Variants in SHANK2 observed in about 807,000 individuals in gnomAD.
The protein encoded by SHANK2 is SH3 and multiple ankyrin repeat domains 2.
SHANK2 carries 43 observed loss-of-function variants against 133.7 expected under a neutral mutation model. The observed-to-expected ratio is 0.32, with a 90% CI of 0.25 to 0.41. SHANK2 has a LOEUF of 0.41. Among genes scored for constraint, SHANK2 ranks in the 10% least tolerant of loss-of-function variants. The pLI, the probability that SHANK2 is intolerant of heterozygous loss-of-function variation, is 1.00. For missense variants in SHANK2, 1,994 were observed against 2,235.8 expected (o/e 0.89, Z 2.18); for synonymous variants, 1,017 against 952.8 (o/e 1.07, Z -1.24).
At chr11:70,748,499 A>C (rs1555036762) in intron 14 of SHANK2, among the ~76,000 whole-genome samples, 1 of 152,160 alleles carries the variant, frequency 6.6e-6, no homozygotes, top group African/African-American at 2.4e-5. Flanking sequence ...CACTCCCTAG[A>C]ATCAGGGAGG....
At chr11:71,118,492 G>A (rs1952023767) in intron 4 of SHANK2, among the ~76,000 whole-genome samples, 1 of 152,132 alleles carries the variant, frequency 6.6e-6, no homozygotes, top group Admixed American at 6.5e-5. Context: ...GGAACTTCCA[G>A]ACACTTATAA....
intron 17 of SHANK2, among the ~76,000 whole-genome samples, chr11:70,610,309 G>A (rs1554993820): frequency 2.0e-5 from 3 of 152,110 alleles, no homozygotes; most frequent in African/African-American, 4.8e-5. Flanking sequence ...CTCTTAATAC[G>A]AGGCGTGCAA....
intron 10 of SHANK2, among the ~76,000 whole-genome samples, chr11:70,932,097 GCTGAAA>G (rs1189059696): frequency 7.2e-5 from 11 of 152,140 alleles, no homozygotes; most frequent in African/African-American, 2.7e-4. Context: ...TCTTTTTCAA[GCTGAAA>G]CTGTGATGTT....
At chr11:70,553,376 A>G (rs1323894271) in intron 17 of SHANK2, among the ~76,000 whole-genome samples, 3 of 152,188 alleles carry the variant, frequency 2.0e-5, no homozygotes, top group African/African-American at 7.2e-5. Flanking sequence ...TACAGGCGTG[A>G]GCCACCGTGC....
chr11:70,710,166 G>A (rs1399557350), intron 14 of SHANK2, among the ~76,000 whole-genome samples: 1 of 152,170 alleles, frequency 6.6e-6, no homozygotes, highest in Admixed American at 6.5e-5. Context: ...CTCAGTGGCC[G>A]TGGGAAGACA....
intron 5 of SHANK2, among the ~76,000 whole-genome samples, chr11:71,111,644 A>G (rs1951893537): frequency 6.6e-6 from 1 of 152,194 alleles, no homozygotes; most frequent in Admixed American, 6.5e-5. Context: ...CTGACACAGC[A>G]GGTTCCTGGG....
chr11:70,875,598 C>A (rs183917408), intron 11 of SHANK2, among the ~76,000 whole-genome samples: 1 of 152,192 alleles, frequency 6.6e-6, no homozygotes, highest in Non-Finnish European at 1.5e-5. Context: ...TGGTGACTCA[C>A]GCCTGCAATC....
At chr11:71,107,411 AC>A (rs1247949849) in intron 6 of SHANK2, among the ~76,000 whole-genome samples, 1 of 152,136 alleles carries the variant, frequency 6.6e-6, no homozygotes, top group African/African-American at 2.4e-5. Context: ...ACCTGATGAC[AC>A]CAGGGGTTCC....
intron 11 of SHANK2, among the ~76,000 whole-genome samples, chr11:70,839,890 C>T (rs1948876598): frequency 6.6e-6 from 1 of 152,146 alleles, no homozygotes; most frequent in Non-Finnish European, 1.5e-5. Context: ...CTCCCAGGGC[C>T]GAGCTGGCAG....
chr11:71,129,613 C>T (rs529070908), intron 3 of SHANK2, among the ~76,000 whole-genome samples: 2 of 152,238 alleles, frequency 1.3e-5, no homozygotes, highest in African/African-American at 4.8e-5. Context: ...CGCTGCATTC[C>T]AGCCTGGGTG....
At chr11:70,924,710 A>AC in intron 10 of SHANK2, among the ~76,000 whole-genome samples, 1 of 150,672 alleles carries the variant, frequency 6.6e-6, no homozygotes, top group South Asian at 2.1e-4. Context: ...GCCCGCCTTG[A>AC]CCCCCCAAAG....
At chr11:70,740,599 C>T (rs1169291761) in intron 14 of SHANK2, among the ~76,000 whole-genome samples, 1 of 152,198 alleles carries the variant, frequency 6.6e-6, no homozygotes, top group South Asian at 2.1e-4. Flanking sequence ...CCCCTCACCC[C>T]CTGCCCGGTT....
chr11:70,559,865 C>CTTTA (rs10645600), intron 17 of SHANK2, among the ~76,000 whole-genome samples: 117,372 of 149,160 alleles, frequency 0.79, 46,634 homozygotes, highest in Middle Eastern at 0.88. Flanking sequence ...TGGGGGGTTG[C>CTTTA]TTTATTTATT....
chr11:71,104,159 G>A (rs189138822), intron 6 of SHANK2, among the ~76,000 whole-genome samples: 13 of 152,080 alleles, frequency 8.5e-5, no homozygotes, highest in African/African-American at 2.9e-4. Context: ...CTCACCTAAC[G>A]CTCACATTTT....
chr11:70,658,421 C>A (rs1263716705), intron 17 of SHANK2, among the ~76,000 whole-genome samples: 1 of 152,180 alleles, frequency 6.6e-6, no homozygotes, highest in Non-Finnish European at 1.5e-5. Context: ...CACAAAGCCA[C>A]AGCGGGCTCC....
At chr11:70,885,116 A>G (rs1429288371) in intron 11 of SHANK2, among the ~76,000 whole-genome samples, 1 of 152,150 alleles carries the variant, frequency 6.6e-6, no homozygotes. Context: ...CACTTTTTCT[A>G]AGAGAACTGG....
At chr11:70,844,428 G>T (rs1358469020) in intron 11 of SHANK2, among the ~76,000 whole-genome samples, 1 of 152,078 alleles carries the variant, frequency 6.6e-6, no homozygotes, top group African/African-American at 2.4e-5. Flanking sequence ...CTCGACAAGG[G>T]GATCATCTAA....
intron 6 of SHANK2, among the ~76,000 whole-genome samples, chr11:71,100,808 A>G (rs1401640329): frequency 1.3e-5 from 2 of 151,252 alleles, no homozygotes; most frequent in African/African-American, 4.9e-5. Flanking sequence ...CAGAGGTTGC[A>G]GTGAGCTGAG....
chr11:70,565,656 C>G (rs192417360), intron 17 of SHANK2, among the ~76,000 whole-genome samples: 1 of 152,140 alleles, frequency 6.6e-6, no homozygotes, highest in Non-Finnish European at 1.5e-5. Context: ...AGGGCTCATC[C>G]CATCTGTTTC....
Sources: allele counts gnomAD v4.1 joint callset (sites outside exome capture counted in the v4.1 genomes callset), GRCh38; gene constraint gnomAD v4.1.1; transcripts MANE v1.5; gene names NCBI Gene and HGNC (gene_info 2026-07-23, HGNC 2026-07-21).